SEMA6C: variants seen among roughly 807,000 people sequenced by gnomAD.
SEMA6C encodes semaphorin-6C.
Under a neutral mutation model 72.9 loss-of-function variants are expected in SEMA6C, and 37 were observed. The ratio of observed to expected loss-of-function variants is 0.51; its 90% confidence interval spans 0.39 to 0.67. SEMA6C has a LOEUF of 0.67. SEMA6C is among the 30% of genes least tolerant of loss of function. SEMA6C has a pLI of 0.00. For synonymous variants in SEMA6C, 578 were observed against 554.1 expected, an observed-to-expected ratio of 1.04 and a Z score of -0.61; for missense variants, 1,189 against 1,263.6, an observed-to-expected ratio of 0.94 and a Z score of 0.89.
chr1:151,132,694 AG>A lies in SEMA6C; in HGVS notation c.2582del (p.Pro861LeufsTer37). 1.2e-5 allele frequency: 18 copies of A among 1,502,774 alleles called. No individual in the cohort carries two copies. The highest frequency in any genetic ancestry group is 5.0e-5 in the East Asian group (2 of 39,932). The allele number at this position is 1,502,774 out of a possible 1,614,324, so 93.1% of individuals were successfully genotyped here. On this transcript the variant is annotated frameshift_variant, in exon 19 of 19. Transcript: ENST00000368914. LOFTEE classifies it low-confidence loss of function (END_TRUNC). ...RLPFSGHRAP[P>X]ALLTRVPSGG... The stretch of plus-strand genomic sequence containing the variant: ...CCGAGGGGACTCGAGTGAGCAGGGC[AG>A]GGGGGGCCCGGTGGCCGGAGAAAGG...
In SEMA6C at chr1:151,132,364, T is replaced by G. The variant is rs41267550; in HGVS notation, c.*120A>C. 973 of 1,533,992 alleles carry G rather than the reference T, an allele frequency of 6.3e-4. No homozygotes were observed. Among genetic ancestry groups the G allele is most frequent in the Non-Finnish European group, 8.0e-4 (913 of 1,138,784 alleles). On this transcript the variant is annotated 3_prime_UTR_variant, in exon 19 of 19. Transcript: ENST00000368914. ...GGCGAAAAGGGGCCTCGGGAGACTC[T>G]GCGAGTCGGGAAGGCTGGAGGTGCG...
At chr1:151,139,770 C>T (rs1453703011) in intron 4 of SEMA6C, 69 bp from the exon 5 acceptor site, 77 of 1,450,190 alleles carry the variant, frequency 5.3e-5, no homozygotes, top group Non-Finnish European at 7.0e-5. Context: ...GTCAGCTGTT[C>T]AGGGACAAAC....
At chr1:151,138,284 C>G in intron 8 of SEMA6C, 32 bp downstream of exon 8, 4 of 1,609,632 alleles carry the variant, frequency 2.5e-6, no homozygotes, top group Non-Finnish European at 3.4e-6. Flanking sequence ...CCTCCAGCCA[C>G]ATGCTTTCTT....
In SEMA6C at chr1:151,145,018, A is replaced by T. The variant is rs1682832116; in HGVS notation, c.-104-584T>A. On this transcript the variant is annotated intron_variant, in intron 1 of 18. Transcript: ENST00000368914. The surrounding 1 kb of genome is among the most constrained non-coding windows in gnomAD (Gnocchi z 4.4). Reference sequence around the variant, plus strand: ...CATTGGCCTTCTAGACTCAACTATGATACACCTTTAAGAGGGCTTCTTGTA... The same window carrying T: ...CATTGGCCTTCTAGACTCAACTATGTTACACCTTTAAGAGGGCTTCTTGTA... The T allele has an allele frequency of 6.6e-6, 1 of 152,222 alleles. No individual in the cohort carries two copies. The highest frequency in any genetic ancestry group is 2.1e-4 in the South Asian group (1 of 4,832). The allele number at this position is 152,222 out of a possible 1,614,324, so 9.4% of individuals were successfully genotyped here.
chr1:151,139,633 C>T lies in SEMA6C; in HGVS notation c.297+5G>A. 1 of 1,607,600 alleles carries T rather than the reference C, an allele frequency of 6.2e-7. No homozygotes were observed. Among genetic ancestry groups the T allele is most frequent in the Non-Finnish European group, 8.5e-7 (1 of 1,175,076 alleles). Reference sequence around the variant, plus strand: ...GTCTGCACCTCTTCCCACACAGCCCCTCACCTTGTTGGGCACCAGCCCCTC... The same window carrying T: ...GTCTGCACCTCTTCCCACACAGCCCTTCACCTTGTTGGGCACCAGCCCCTC... On this transcript the variant is annotated splice_donor_5th_base_variant and intron_variant, in intron 5 of 18. Transcript: ENST00000368914.
intron 13 of SEMA6C, 24 bp from the exon 14 acceptor site, chr1:151,135,788 G>A (rs375889868): frequency 1.2e-6 from 2 of 1,611,644 alleles, no homozygotes; most frequent in African/African-American, 2.7e-5. Flanking sequence ...CCTCAGGTCA[G>A]GGAACCTGTC....
chr1:151,136,311 G>T, intron 12 of SEMA6C, 137 bp downstream of exon 12: 2 of 1,470,350 alleles, frequency 1.4e-6, no homozygotes, highest in Non-Finnish European at 9.2e-7. Flanking sequence ...CCCTGCCGCA[G>T]CTCTTCGGCC....
At position 151,135,488 on chromosome 1, in the gene SEMA6C, T is replaced by C. The variant is rs587620953; in HGVS notation, c.1433+103A>G. 4 of 1,479,446 alleles carry C rather than the reference T, an allele frequency of 2.7e-6. No individual in the cohort carries two copies. The East Asian group carries it at 9.1e-5, about 34-fold the overall frequency. The allele number at this position is 1,479,446 out of a possible 1,614,324, so 91.6% of individuals were successfully genotyped here. ...CCTGTCTAGCCCAGAGCTCCCACCC[T>C]GCAAAAGCCAATGTTGATGTTTCCA... On this transcript the variant is annotated intron_variant, in intron 14 of 18. Coordinates refer to ENST00000368914, the MANE Select transcript of SEMA6C (RefSeq NM_030913.6).
Position 151,133,865 on chromosome 1 carries a change from G to A in SEMA6C, c.1760-348C>T. The stretch of plus-strand genomic sequence containing the variant: ...GAAGGGAGGCTCCAAACAGGCGTTA[G>A]TGAGCACCAAACACCATTCAGTGAG... On this transcript the variant is annotated intron_variant, in intron 18 of 18. Coordinates refer to ENST00000368914, the MANE Select transcript of SEMA6C (RefSeq NM_030913.6). The surrounding 1 kb of genome is among the most constrained non-coding windows in gnomAD (Gnocchi z 5.9). 2.7e-6 allele frequency: 3 copies of A among 1,122,598 alleles called. No individual in the cohort carries two copies. The highest frequency in any genetic ancestry group is 2.6e-5 in the East Asian group (1 of 38,206). 69.5% of individuals were successfully genotyped at this position (1,122,598 alleles called of 1,614,324 possible).
At chr1:151,138,777 T>C in intron 6 of SEMA6C, 46 bp from the exon 7 acceptor site, 1 of 1,445,224 alleles carries the variant, frequency 6.9e-7, no homozygotes, top group Non-Finnish European at 9.7e-7. Flanking sequence ...GTCCTGGGAC[T>C]GAGAACAGGA....
chr1:151,138,040 G>A lies in SEMA6C; in HGVS notation c.613C>T (p.Leu205Phe), dbSNP rs769851096. ...QASDAVVYRS[L>F]GPQPPLRSAK... Reference sequence around the variant, plus strand: ...GAGCGGAGTGGGGGCTGGGGCCCAAGGCTTCTGTAAACTACAGCATCACTG... The same window carrying A: ...GAGCGGAGTGGGGGCTGGGGCCCAAAGCTTCTGTAAACTACAGCATCACTG... The change falls in exon 9 of 19, where the codon CTT becomes TTT. Residue 205 changes from leucine to phenylalanine, a missense_variant. This residue lies in a region of SEMA6C where 468 missense variants were observed against 577.4 expected (regional missense o/e 0.81). Coordinates refer to ENST00000368914, the MANE Select transcript of SEMA6C (RefSeq NM_030913.6). 12 of 1,614,240 alleles carry A rather than the reference G, an allele frequency of 7.4e-6. No homozygotes were observed. Among genetic ancestry groups the A allele is most frequent in the Non-Finnish European group, 1.0e-5 (12 of 1,180,040 alleles).
In SEMA6C at chr1:151,137,403, G is replaced by C. The variant is rs587627844; in HGVS notation, c.756+308C>G. ...GGAGCTTGCAGTGAGCCAAGATGGC[G>C]CCACTGCACTCCAGCCTGGGCGACA... is the stretch of plus-strand genomic sequence containing the variant. On this transcript the variant is annotated intron_variant, in intron 10 of 18. Transcript: ENST00000368914. 2.5e-4 allele frequency among the ~76,000 whole-genome samples: 35 copies of C among 139,572 alleles called. No homozygotes were observed. In the East Asian group the frequency reaches 5.5e-3, roughly 22 times the overall value. 91.6% of individuals were successfully genotyped at this position (139,572 alleles called of 152,430 possible). A position where few individuals can be genotyped will look rare whatever the true frequency, so the allele number is the denominator to read the frequency against.
intron 3 of SEMA6C, among the ~76,000 whole-genome samples, chr1:151,141,472 C>T (rs1395117201): frequency 1.3e-5 from 2 of 152,098 alleles, no homozygotes; most frequent in South Asian, 2.1e-4. Flanking sequence ...TGAAATGGCG[C>T]GATCTCGGCT....
chr1:151,138,760 A>G lies in SEMA6C; in HGVS notation c.355-29T>C, dbSNP rs374495409. ...GAGAACCCAAAATTCTAGGTCAGTG[A>G]CAGAGGGTCCTGGGACTGAGAACAG... On this transcript the variant is annotated intron_variant, in intron 6 of 18. Coordinates refer to ENST00000368914, the MANE Select transcript of SEMA6C (RefSeq NM_030913.6). The G allele has an allele frequency of 2.7e-5, 42 of 1,547,990 alleles. No individual in the cohort carries two copies. In the African/African-American group the frequency reaches 5.3e-4, roughly 20 times the overall value.
In SEMA6C at chr1:151,133,589, C is replaced by T. The variant is rs2101611050; in HGVS notation, c.1760-72G>A. The T allele has an allele frequency of 1.4e-6, 2 of 1,437,884 alleles. No homozygotes were observed. The highest frequency in any genetic ancestry group is 2.5e-5 in the East Asian group (1 of 39,716). 89.1% of individuals were successfully genotyped at this position (1,437,884 alleles called of 1,614,324 possible). ...GCGGGGTACCTAGGCCCAGAGGCGC[C>T]GGCAGTTCCCAGGCCTGACATCATC... On this transcript the variant is annotated intron_variant, in intron 18 of 18. Transcript: ENST00000368914. This position sits in a 1 kb window ranked among gnomAD's most constrained non-coding sequence, Gnocchi z 5.9.
rs200312578 is a variant in SEMA6C, at chr1:151,139,662, T to G, written c.273A>C (p.Glu91Asp). Residue 91 changes from glutamate to aspartate, a missense_variant, in exon 5 of 19, where the codon GAA (glutamate) becomes GAC (aspartate). Physicochemically the swap from Glu to Asp is conservative, Grantham distance 45. This residue lies in a region of SEMA6C where 468 missense variants were observed against 577.4 expected (regional missense o/e 0.81). Transcript: ENST00000368914. ...CCTTGTTGGGCACCAGCCCCTCCCC[T>G]TCTTCTTCGGCTTGAAGATCGAAGG... ...VFSFDLQAEEEGEGLVPNKYL... is the reference protein window; with the variant it reads ...VFSFDLQAEEDGEGLVPNKYL... 38 of 1,606,932 alleles carry G rather than the reference T, an allele frequency of 2.4e-5. No homozygotes were observed. Among genetic ancestry groups the G allele is most frequent in the Non-Finnish European group, 3.1e-5 (37 of 1,174,702 alleles).
Position 151,135,792 on chromosome 1 carries a change from A to G in SEMA6C, c.1260-28T>C, listed in dbSNP as rs1681971042. 10 of 1,610,500 alleles carry G rather than the reference A, an allele frequency of 6.2e-6. No individual in the cohort carries two copies. The East Asian group carries it at 6.7e-5, about 11-fold the overall frequency. The stretch of plus-strand genomic sequence containing the variant: ...GGAGGAAAGGGCCTCAGGTCAGGGA[A>G]CCTGTCTAGTGGAAACCTGAGCATT... On this transcript the variant is annotated intron_variant, in intron 13 of 18. Coordinates refer to ENST00000368914, the MANE Select transcript of SEMA6C (RefSeq NM_030913.6).
chr1:151,139,024 C>T (rs969215327), intron 6 of SEMA6C, among the ~76,000 whole-genome samples: 7 of 145,342 alleles, frequency 4.8e-5, no homozygotes, highest in East Asian at 4.1e-4. Flanking sequence ...ACCACGGAGG[C>T]GGAGGTTGCA....
At position 151,132,151 on chromosome 1, in the gene SEMA6C, G is replaced by A; in HGVS notation, c.*333C>T. The A allele has an allele frequency of 1.5e-6, 2 of 1,346,706 alleles. No individual in the cohort carries two copies. The highest frequency in any genetic ancestry group is 3.8e-5 in the East Asian group (1 of 26,490). 83.4% of individuals were successfully genotyped at this position (1,346,706 alleles called of 1,614,324 possible). ...CCCGAGGACTCTGGACACAGCGCGC[G>A]CGGCCCGCCCGGGGCACAGTCTCTG... On this transcript the variant is annotated 3_prime_UTR_variant, in exon 19 of 19. Transcript: ENST00000368914.
Sources: allele counts gnomAD v4.1 joint callset (sites outside exome capture counted in the v4.1 genomes callset), GRCh38; gene constraint gnomAD v4.1.1; regional missense constraint gnomAD v4.1.1; non-coding constraint Gnocchi (gnomAD v3.1); transcripts MANE v1.5; gene names NCBI Gene and HGNC (gene_info 2026-07-23, HGNC 2026-07-21).